OSBPL1A: variants seen among roughly 807,000 people sequenced by gnomAD.
OSBPL1A encodes the protein oxysterol-binding protein-related protein 1.
OSBPL1A carries 80 observed loss-of-function variants against 137.1 expected under a neutral mutation model. That is an observed-to-expected ratio of 0.58 (90% CI 0.49 to 0.70). The LOEUF is 0.70. OSBPL1A is among the 30% of genes least tolerant of loss of function. OSBPL1A has a pLI of 0.00. For missense variants in OSBPL1A, 970 were observed against 1,129.4 expected, an observed-to-expected ratio of 0.86 and a Z score of 2.02; for synonymous variants, 365 against 389.7, an observed-to-expected ratio of 0.94 and a Z score of 0.75.
intron 18 of OSBPL1A, among the ~76,000 whole-genome samples, chr18:24,185,496 T>C (rs1245314144): frequency 6.6e-6 from 1 of 152,058 alleles, no homozygotes; most frequent in Non-Finnish European, 1.5e-5. Flanking sequence ...ATTTTTTGTA[T>C]CTTTAGTAGA....
At chr18:24,265,773 G>A (rs1185206925) in intron 15 of OSBPL1A, among the ~76,000 whole-genome samples, 3 of 152,178 alleles carry the variant, frequency 2.0e-5, no homozygotes, top group African/African-American at 2.4e-5. Flanking sequence ...CATGTCTGCA[G>A]CCTGGGTGGG....
Position 24,365,025 on chromosome 18 carries a change from CAAAAAAA to C in OSBPL1A, c.282+1860_282+1866del, listed in dbSNP as rs56400717. 6.6e-3 allele frequency among the ~76,000 whole-genome samples: 589 copies of C among 89,690 alleles called. 4 individuals carry two copies. Among genetic ancestry groups the C allele is most frequent in the Middle Eastern group, 0.029 (3 of 102 alleles). 58.8% of individuals were successfully genotyped at this position (89,690 alleles called of 152,430 possible). ...GAGACCCTGTCTCAAAAAACAACAA[CAAAAAAA>C]AAAAAAAAAAAAAAAATCCAGAAAC... On this transcript the variant is annotated intron_variant, in intron 4 of 27. Transcript: ENST00000319481.
In OSBPL1A at chr18:24,280,857, G is replaced by A. The variant is rs748528501; in HGVS notation, c.1266C>T (p.Phe422=). ...AACTACCTACCCCTTCTTGTTTGGTGAAGAGATTAAGGCAATCAGTCAAAG... is the reference window on the plus strand; with the variant it reads ...AACTACCTACCCCTTCTTGTTTGGTAAAGAGATTAAGGCAATCAGTCAAAG... ...CVALTDCLNL[F]TKQEGVRNFK... Residue 422 remains phenylalanine (F), a synonymous_variant, in exon 15 of 28, where the codon TTC becomes TTT. Transcript: ENST00000319481. 1 of 1,591,992 alleles carries A rather than the reference G, an allele frequency of 6.3e-7. No individual in the cohort carries two copies. Among genetic ancestry groups the A allele is most frequent in the Non-Finnish European group, 8.5e-7 (1 of 1,172,558 alleles).
chr18:24,218,240 A>G (rs2087769081), intron 17 of OSBPL1A: 1 of 152,214 alleles, frequency 6.6e-6, no homozygotes, highest in Non-Finnish European at 1.5e-5. Context: ...GTGGTTTAGA[A>G]GCAAAAAAGA....
chr18:24,394,046 C>T (rs1358863054), intron 1 of OSBPL1A, among the ~76,000 whole-genome samples: 1 of 152,080 alleles, frequency 6.6e-6, no homozygotes, highest in Non-Finnish European at 1.5e-5. Context: ...CTCTAACTTC[C>T]TCAATAAGTT....
chr18:24,250,681 A>G (rs1195579735), intron 15 of OSBPL1A, among the ~76,000 whole-genome samples: 1 of 152,214 alleles, frequency 6.6e-6, no homozygotes, highest in Admixed American at 6.5e-5. Context: ...ACACATTACC[A>G]GCTGTGGTGG....
chr18:24,239,520 T>C, intron 15 of OSBPL1A, 138 bp from the exon 16 acceptor site: 1 of 795,928 alleles, frequency 1.3e-6, no homozygotes, highest in East Asian at 2.7e-5. Context: ...CACATGTGCA[T>C]GGATGAATGA....
chr18:24,179,584 GAC>G (rs1410406999), intron 20 of OSBPL1A, among the ~76,000 whole-genome samples, 152 bp downstream of exon 20: 1 of 152,044 alleles, frequency 6.6e-6, no homozygotes, highest in Non-Finnish European at 1.5e-5. Flanking sequence ...CAGTATTTTT[GAC>G]AGTCTCTAAA....
chr18:24,280,571 T>C (rs562674530), intron 15 of OSBPL1A, among the ~76,000 whole-genome samples: 3 of 152,378 alleles, frequency 2.0e-5, no homozygotes, highest in South Asian at 2.1e-4. Context: ...ATCTCTCTTA[T>C]TGAAGTGTCA....
intron 16 of OSBPL1A, among the ~76,000 whole-genome samples, chr18:24,231,862 C>G (rs745781252): frequency 6.6e-6 from 1 of 152,182 alleles, no homozygotes; most frequent in East Asian, 1.9e-4. Context: ...TATAAACATG[C>G]CAACAATTCT....
At chr18:24,270,099 T>C (rs1203791070) in intron 15 of OSBPL1A, among the ~76,000 whole-genome samples, 1 of 152,220 alleles carries the variant, frequency 6.6e-6, no homozygotes, top group Non-Finnish European at 1.5e-5. Flanking sequence ...ATAACAATTC[T>C]AAATTTCTAT....
At chr18:24,380,826 C>T (rs1316086546) in intron 1 of OSBPL1A, among the ~76,000 whole-genome samples, 1 of 152,028 alleles carries the variant, frequency 6.6e-6, no homozygotes, top group Admixed American at 6.5e-5. Context: ...GTGGCACATG[C>T]CTGTAATCCC....
In OSBPL1A at chr18:24,387,177, C is replaced by T. The variant is rs1056884666; in HGVS notation, c.-2-9642G>A. 3.3e-5 allele frequency among the ~76,000 whole-genome samples: 5 copies of T among 151,998 alleles called. No homozygotes were observed. The South Asian group carries it at 8.3e-4, about 25-fold the overall frequency. ...AGGTGATCCTCTCAACTCAGTCTCC[C>T]GAGTAGCTGAGACTACAGGTGCACA... On this transcript the variant is annotated intron_variant, in intron 1 of 27. Coordinates refer to ENST00000319481, the MANE Select transcript of OSBPL1A (RefSeq NM_080597.4).
chr18:24,335,327 G>C (rs528573456), intron 5 of OSBPL1A, among the ~76,000 whole-genome samples: 37 of 152,194 alleles, frequency 2.4e-4, no homozygotes, highest in African/African-American at 8.9e-4. Context: ...ACAGACAAAG[G>C]AACTGAGGCA....
intron 2 of OSBPL1A, among the ~76,000 whole-genome samples, chr18:24,372,347 T>G (rs1317348509): frequency 6.6e-6 from 1 of 152,106 alleles, no homozygotes; most frequent in Non-Finnish European, 1.5e-5. Flanking sequence ...CCATTGTTTC[T>G]GTGCTGTTGA....
chr18:24,231,990 C>T (rs888354712), intron 16 of OSBPL1A, among the ~76,000 whole-genome samples: 1 of 152,186 alleles, frequency 6.6e-6, no homozygotes, highest in Non-Finnish European at 1.5e-5. Flanking sequence ...AGTCACCCTT[C>T]CTCCTGTTAC....
Position 24,271,989 on chromosome 18 carries a change from C to CGGCGGCAAGGCCTGCGGCG in OSBPL1A, c.1281+8834_1281+8852dup. Reference sequence around the variant, plus strand: ...GGCTCGCGGGGAGAGCGCGGGCGGGCGGCGGCAAGGCCTGCGGCGGGCGGC... The same window carrying CGGCGGCAAGGCCTGCGGCG: ...GGCTCGCGGGGAGAGCGCGGGCGGGCGGCGGCAAGGCCTGCGGCGGGCGGCAAGGCCTGCGGCGGGCGGC... On this transcript the variant is annotated intron_variant, in intron 15 of 27. Transcript: ENST00000319481. This position sits in a 1 kb window ranked among gnomAD's most constrained non-coding sequence, Gnocchi z 4.0. The CGGCGGCAAGGCCTGCGGCG allele has an allele frequency of 5.1e-6, 5 of 981,790 alleles. No individual in the cohort carries two copies. Among genetic ancestry groups the CGGCGGCAAGGCCTGCGGCG allele is most frequent in the Non-Finnish European group, 6.0e-6 (5 of 828,646 alleles). The allele number at this position is 981,790 out of a possible 1,614,324, so 60.8% of individuals were successfully genotyped here.
chr18:24,339,343 G>A (rs2091235930), intron 5 of OSBPL1A, among the ~76,000 whole-genome samples: 1 of 152,170 alleles, frequency 6.6e-6, no homozygotes, highest in Non-Finnish European at 1.5e-5. Context: ...GGTACTTCCA[G>A]TAATTTGCCA....
chr18:24,296,947 T>C (rs1018446693), intron 14 of OSBPL1A, among the ~76,000 whole-genome samples: 2 of 152,196 alleles, frequency 1.3e-5, no homozygotes, highest in Non-Finnish European at 2.9e-5. Context: ...TCAGGGATAT[T>C]GGTCTGTAGT....
Sources: gnomAD v4.1 joint callset for allele counts (sites outside exome capture counted in the v4.1 genomes callset) on GRCh38, gnomAD v4.1.1 for gene constraint, Gnocchi (gnomAD v3.1) non-coding constraint, MANE v1.5 for transcripts, NCBI Gene and HGNC (gene_info 2026-07-23, HGNC 2026-07-21) for gene names.